EPS15: variants seen among roughly 807,000 people sequenced by gnomAD.
EPS15 encodes epidermal growth factor receptor substrate 15.
Under a neutral mutation model 113.8 loss-of-function variants are expected in EPS15, and 72 were observed. That is an observed-to-expected ratio of 0.63 (90% CI 0.52 to 0.77). The LOEUF is 0.77. EPS15 is among the 30% of genes least tolerant of loss of function. EPS15 has a pLI of 0.00. For missense variants in EPS15, 1,048 were observed against 1,045.8 expected, an observed-to-expected ratio of 1.00 and a Z score of -0.03; for synonymous variants, 344 against 363.4, an observed-to-expected ratio of 0.95 and a Z score of 0.61.
intron 1 of EPS15, among the ~76,000 whole-genome samples, chr1:51,498,810 T>C (rs1212818617): frequency 1.3e-5 from 2 of 152,194 alleles, no homozygotes; most frequent in African/African-American, 4.8e-5. Context: ...GAATACCTTA[T>C]TGCCACAGTT....
chr1:51,510,609 A>C (rs1644602401), intron 1 of EPS15, among the ~76,000 whole-genome samples: 1 of 152,166 alleles, frequency 6.6e-6, no homozygotes, highest in Admixed American at 6.5e-5. Flanking sequence ...CCACAACTAA[A>C]AGAAGACCAC....
At chr1:51,482,750 G>A (rs1644045042) in intron 1 of EPS15, among the ~76,000 whole-genome samples, 1 of 152,124 alleles carries the variant, frequency 6.6e-6, no homozygotes, top group Non-Finnish European at 1.5e-5. Context: ...ACAAGCATGA[G>A]CCACCACACC....
chr1:51,515,803 T>C (rs913088993), intron 1 of EPS15, among the ~76,000 whole-genome samples: 13 of 152,224 alleles, frequency 8.5e-5, no homozygotes, highest in African/African-American at 3.1e-4. Context: ...GTGAAATAGC[T>C]TTTGAAGTCC....
rs1034822466 is a variant in EPS15 at position 51,515,402 on chromosome 1, G to T, written c.33+3797C>A. Among the ~76,000 whole-genome samples the T allele has an allele frequency of 3.9e-5, 6 of 152,098 alleles. No individual in the cohort carries two copies. The South Asian group carries it at 8.3e-4, about 21-fold the overall frequency. Reference sequence around the variant, plus strand: ...ATGGGAGGATCCCTTGAGCCCACAAGGTTGAGGATGCAGTGAGCCTGATCA... The same window carrying T: ...ATGGGAGGATCCCTTGAGCCCACAATGTTGAGGATGCAGTGAGCCTGATCA... On this transcript the variant is annotated intron_variant, in intron 1 of 24. Transcript: ENST00000371733.
intron 17 of EPS15, among the ~76,000 whole-genome samples, chr1:51,403,161 C>T (rs1424159490): frequency 1.3e-5 from 2 of 152,170 alleles, no homozygotes; most frequent in Non-Finnish European, 2.9e-5. Flanking sequence ...ACTTCACCTC[C>T]TGAGTAGCTG....
At chr1:51,449,316 T>A (rs1189446205) in intron 8 of EPS15, among the ~76,000 whole-genome samples, 1 of 152,118 alleles carries the variant, frequency 6.6e-6, no homozygotes, top group Non-Finnish European at 1.5e-5. Flanking sequence ...GAGGCCATTA[T>A]CCTAAGCAAA....
intron 12 of EPS15, among the ~76,000 whole-genome samples, chr1:51,432,507 A>C (rs1651820964): frequency 6.6e-6 from 1 of 152,212 alleles, no homozygotes; most frequent in Admixed American, 6.5e-5. Flanking sequence ...CACATTAAAA[A>C]ATAAAAAGAA....
At chr1:51,448,275 G>A in intron 8 of EPS15, 140 bp from the exon 9 acceptor site, 1 of 462,766 alleles carries the variant, frequency 2.2e-6, no homozygotes, top group Non-Finnish European at 3.9e-6. Flanking sequence ...GAAAGAAGAG[G>A]AAAATGAGGG....
Position 51,354,401 on chromosome 1 carries a change from T to C in EPS15, c.*2299A>G, listed in dbSNP as rs527866383. On this transcript the variant is annotated 3_prime_UTR_variant, in exon 25 of 25. Transcript: ENST00000371733. ...AATCAGAGAACCATGCAAAACTCAA[T>C]TGCAAATTGGATATATGGATGGGAT... 1.0e-4 allele frequency: 18 copies of C among 180,370 alleles called. No homozygotes were observed. Among genetic ancestry groups the C allele is most frequent in the East Asian group, 1.8e-4 (2 of 11,014 alleles). 11.2% of individuals were successfully genotyped at this position (180,370 alleles called of 1,614,324 possible).
At chr1:51,485,282 T>C (rs1644100091) in intron 1 of EPS15, among the ~76,000 whole-genome samples, 1 of 152,246 alleles carries the variant, frequency 6.6e-6, no homozygotes, top group Non-Finnish European at 1.5e-5. Flanking sequence ...GTATTCTCCT[T>C]GCAACCTGTC....
At chr1:51,508,357 A>G (rs887326361) in intron 1 of EPS15, among the ~76,000 whole-genome samples, 1 of 150,414 alleles carries the variant, frequency 6.6e-6, no homozygotes, top group African/African-American at 2.4e-5. Flanking sequence ...AGAAAGAAAG[A>G]AAGAAAGAAA....
At chr1:51,379,620 A>G (rs1473893095) in intron 21 of EPS15, among the ~76,000 whole-genome samples, 2 of 152,326 alleles carry the variant, frequency 1.3e-5, no homozygotes, top group East Asian at 3.9e-4. Flanking sequence ...CCTACTCTAT[A>G]AGAAATGCTA....
At chr1:51,475,451 G>T (rs544611215) in intron 2 of EPS15, among the ~76,000 whole-genome samples, 1 of 152,098 alleles carries the variant, frequency 6.6e-6, no homozygotes, top group South Asian at 2.1e-4. Context: ...ATTTTTTCAC[G>T]TGCCTGTTGG....
At chr1:51,448,902 G>C (rs1428139783) in intron 8 of EPS15, among the ~76,000 whole-genome samples, 1 of 152,168 alleles carries the variant, frequency 6.6e-6, no homozygotes, top group Non-Finnish European at 1.5e-5. Context: ...CTACAAGGAA[G>C]GATAACAGTT....
intron 8 of EPS15, among the ~76,000 whole-genome samples, chr1:51,453,424 A>G (rs1182575040): frequency 6.6e-6 from 1 of 152,212 alleles, no homozygotes; most frequent in Non-Finnish European, 1.5e-5. Context: ...AATACTTTTA[A>G]TACTGCTGGG....
chr1:51,498,978 T>C (rs979214341), intron 1 of EPS15, among the ~76,000 whole-genome samples: 2 of 152,182 alleles, frequency 1.3e-5, no homozygotes, highest in Non-Finnish European at 2.9e-5. Context: ...CACTTGCCTT[T>C]TTTTGCCCTT....
At chr1:51,469,385 T>C (rs1307484897) in intron 4 of EPS15, among the ~76,000 whole-genome samples, 1 of 152,248 alleles carries the variant, frequency 6.6e-6, no homozygotes, top group East Asian at 1.9e-4. Context: ...TATGTAACGG[T>C]TTAACTTCAA....
At chr1:51,503,747 T>C (rs139903361) in intron 1 of EPS15, among the ~76,000 whole-genome samples, 37 of 152,312 alleles carry the variant, frequency 2.4e-4, no homozygotes, top group East Asian at 1.3e-3. Flanking sequence ...ACAGGACATA[T>C]AGATCAATGG....
chr1:51,490,773 G>A (rs1011651764), intron 1 of EPS15, among the ~76,000 whole-genome samples: 2 of 152,038 alleles, frequency 1.3e-5, no homozygotes, highest in South Asian at 2.1e-4. Context: ...TTTTGATTAC[G>A]CTTACAGTTA....
Sources: allele counts gnomAD v4.1 joint callset (sites outside exome capture counted in the v4.1 genomes callset), GRCh38; gene constraint gnomAD v4.1.1; transcripts MANE v1.5; gene names NCBI Gene and HGNC (gene_info 2026-07-23, HGNC 2026-07-21).